The following TMEM161B variants were observed in gnomAD, a reference collection of about 807,000 sequenced individuals.
TMEM161B encodes the protein transmembrane protein 161B.
TMEM161B carries 34 observed loss-of-function variants against 61.8 expected under a neutral mutation model. The ratio of observed to expected loss-of-function variants is 0.55; its 90% CI spans 0.42 to 0.73. The LOEUF is 0.73. Among genes scored for constraint, TMEM161B ranks in the 30% least tolerant of loss-of-function variants. The pLI is 0.00. For synonymous variants in TMEM161B, 167 were observed against 192.8 expected, an observed-to-expected ratio of 0.87 and a Z score of 1.11; for missense variants, 456 against 558.5, an observed-to-expected ratio of 0.82 and a Z score of 1.85.
At chr5:88,216,956 C>T (rs575337924) in intron 5 of TMEM161B, among the ~76,000 whole-genome samples, 3 of 152,260 alleles carry the variant, frequency 2.0e-5, no homozygotes, top group Admixed American at 6.5e-5. Flanking sequence ...ACTTGATCTG[C>T]AAGGGGAGGA....
chr5:88,196,372 T>A lies in TMEM161B; in HGVS notation c.1303A>T (p.Thr435Ser), dbSNP rs758425394. The A allele has an allele frequency of 6.2e-7, 1 of 1,613,300 alleles. No individual in the cohort carries two copies. Among genetic ancestry groups the A allele is most frequent in the African/African-American group, 1.3e-5 (1 of 74,870 alleles). ...AGTGCCACTGTTATTTGTGTAACAGTTACCTTCATTTTCCCTTCAGCTGAT... is the reference window on the plus strand; with the variant it reads ...AGTGCCACTGTTATTTGTGTAACAGATACCTTCATTTTCCCTTCAGCTGAT... ...LPSAEGKMKV[T>S]VTQITVALSS... The change falls in exon 12 of 12, where the codon ACT (threonine) becomes TCT (serine). Residue 435 changes from threonine (T) to serine (S), a missense_variant. Thr to Ser is a moderately conservative substitution (Grantham distance 58). Transcript: ENST00000296595.
At chr5:88,201,780 C>T in intron 9 of TMEM161B, 1 of 156,826 alleles carries the variant, frequency 6.4e-6, no homozygotes, top group Non-Finnish European at 1.4e-5. Context: ...GTTAAATTAC[C>T]ATTAAGGTAA....
At chr5:88,208,586 G>A (rs1381572349) in intron 5 of TMEM161B, among the ~76,000 whole-genome samples, 1 of 152,198 alleles carries the variant, frequency 6.6e-6, no homozygotes, top group Admixed American at 6.5e-5. Context: ...AGGTTGCAGT[G>A]AGCCGAGATA....
intron 1 of TMEM161B, among the ~76,000 whole-genome samples, chr5:88,265,002 A>C (rs1756189846): frequency 1.3e-5 from 2 of 152,178 alleles, no homozygotes; most frequent in Admixed American, 6.5e-5. Flanking sequence ...TAAAACATAG[A>C]TGATGGGTTG....
intron 4 of TMEM161B, among the ~76,000 whole-genome samples, chr5:88,223,136 T>TA (rs892004118): frequency 1.3e-4 from 20 of 151,728 alleles, no homozygotes; most frequent in Admixed American, 3.3e-4. Context: ...AATTCATTTT[T>TA]TTTTTTTAGT....
intron 1 of TMEM161B, among the ~76,000 whole-genome samples, chr5:88,246,556 T>C (rs1319154703): frequency 6.6e-6 from 1 of 151,972 alleles, no homozygotes; most frequent in African/African-American, 2.4e-5. Context: ...GGGATTAATG[T>C]ATTAATGTAT....
exon 13 of TMEM161B, chr5:88,189,915 C>T: frequency 1.6e-6 from 1 of 606,910 alleles, no homozygotes; most frequent in East Asian, 2.8e-5. Context: ...CTTTCCGGAA[C>T]TCTGAGGCCA....
chr5:88,196,730 T>C (rs1440376528), intron 11 of TMEM161B, among the ~76,000 whole-genome samples: 1 of 152,066 alleles, frequency 6.6e-6, no homozygotes, highest in African/African-American at 2.4e-5. Flanking sequence ...ATATTTTTAA[T>C]TAACTGCACT....
chr5:88,251,810 T>G (rs1377603398), intron 1 of TMEM161B, among the ~76,000 whole-genome samples: 1 of 152,160 alleles, frequency 6.6e-6, no homozygotes, highest in Admixed American at 6.5e-5. Flanking sequence ...GAACATGCTG[T>G]CTATCTAATA....
chr5:88,205,737 A>G (rs904592543), intron 8 of TMEM161B, 77 bp downstream of exon 8: 22 of 1,478,436 alleles, frequency 1.5e-5, no homozygotes, highest in Non-Finnish European at 1.9e-5. Flanking sequence ...ATTTATGATT[A>G]CATTACAATA....
At chr5:88,189,627 T>A (rs963178763), downstream of TMEM161B, 1 of 158,302 alleles carries the variant, frequency 6.3e-6, no homozygotes, top group Non-Finnish European at 1.4e-5. Flanking sequence ...TAACAGGGCA[T>A]CTCTCATTTA....
intron 5 of TMEM161B, 46 bp from the exon 6 acceptor site, chr5:88,207,226 G>A (rs199687388): frequency 1.3e-6 from 2 of 1,549,686 alleles, no homozygotes; most frequent in East Asian, 4.5e-5. Context: ...ATTTATAGGA[G>A]CTATACACAA....
chr5:88,205,144 A>G (rs1580371229), intron 8 of TMEM161B, among the ~76,000 whole-genome samples: 2 of 152,232 alleles, frequency 1.3e-5, no homozygotes, highest in East Asian at 3.9e-4. Context: ...CAACAAAAAA[A>G]AATCTGTGAC....
chr5:88,208,085 C>A (rs1220921410), intron 5 of TMEM161B, among the ~76,000 whole-genome samples: 1 of 152,184 alleles, frequency 6.6e-6, no homozygotes, highest in African/African-American at 2.4e-5. Flanking sequence ...CGCAGTGGCT[C>A]ACGTCTGTAA....
chr5:88,216,656 G>T lies in TMEM161B; in HGVS notation c.446+3907C>A, dbSNP rs2053447. 8.3e-3 allele frequency among the ~76,000 whole-genome samples: 1,268 copies of T among 152,320 alleles called. 40 individuals carry two copies. The highest frequency in any genetic ancestry group is 0.05 in the Admixed American group (773 of 15,308). Reference sequence around the variant, plus strand: ...ATCCAAAAGAGGCAACGGAAAGGTAGTACCTGGTGATGAACTGTCAAATTA... The same window carrying T: ...ATCCAAAAGAGGCAACGGAAAGGTATTACCTGGTGATGAACTGTCAAATTA... On this transcript the variant is annotated intron_variant, in intron 5 of 11. Coordinates refer to ENST00000296595, the MANE Select transcript of TMEM161B (RefSeq NM_153354.5).
At chr5:88,263,514 G>C (rs1755956906) in intron 1 of TMEM161B, among the ~76,000 whole-genome samples, 1 of 152,110 alleles carries the variant, frequency 6.6e-6, no homozygotes, top group Admixed American at 6.5e-5. Context: ...TGACTGTAAG[G>C]ATTTCTTTTT....
At chr5:88,217,812 C>G (rs1370595339) in intron 5 of TMEM161B, among the ~76,000 whole-genome samples, 1 of 150,410 alleles carries the variant, frequency 6.6e-6, no homozygotes, top group African/African-American at 2.4e-5. Context: ...TATGGACAGG[C>G]AAACACCAAT....
chr5:88,254,973 A>G (rs2112743644), intron 1 of TMEM161B, among the ~76,000 whole-genome samples: 1 of 152,284 alleles, frequency 6.6e-6, no homozygotes, highest in East Asian at 1.9e-4. Flanking sequence ...CAAAATGGAC[A>G]AGGTTTGAAA....
At position 88,228,506 on chromosome 5, in the gene TMEM161B, T is replaced by C. The variant is rs1395044880; in HGVS notation, c.130A>G (p.Thr44Ala). The C allele has an allele frequency of 6.2e-7, 1 of 1,607,632 alleles. No homozygotes were observed. Among genetic ancestry groups the C allele is most frequent in the Non-Finnish European group, 8.5e-7 (1 of 1,178,102 alleles). Residue 44 changes from threonine (T) to alanine (A), a missense_variant, in exon 3 of 12, where the codon ACA (threonine) becomes GCA (alanine). Coordinates refer to ENST00000296595, the MANE Select transcript of TMEM161B (RefSeq NM_153354.5). ...NGSLRWYQHPTEEELRILAGK... is the reference protein window; with the variant it reads ...NGSLRWYQHPAEEELRILAGK... ...GCAAGAATTCTTAATTCTTCTTCTG[T>C]AGGATGTTGATACCACCTCAAACTA...
Sources: gnomAD v4.1 joint callset for allele counts (sites outside exome capture counted in the v4.1 genomes callset) on GRCh38, gnomAD v4.1.1 for gene constraint, MANE v1.5 for transcripts, NCBI Gene and HGNC (gene_info 2026-07-23, HGNC 2026-07-21) for gene names.